GALM: variants seen among roughly 807,000 people sequenced by gnomAD.
GALM encodes aldose 1-epimerase.
A neutral mutation model predicts 37.4 loss-of-function variants in GALM; 43 were observed. The ratio of observed to expected loss-of-function variants is 1.15; its 90% confidence interval spans 0.90 to 1.48. GALM has a LOEUF of 1.48. Among genes scored for constraint, GALM ranks in the 40% most tolerant of loss-of-function variants. The pLI is 0.00. For missense variants in GALM, 456 were observed against 419.1 expected (o/e 1.09, Z -0.77); for synonymous variants, 199 against 170.6 (o/e 1.17, Z -1.30).
chr2:38,671,468 C>T (rs1451095072), intron 1 of GALM: 2 of 152,128 alleles, frequency 1.3e-5, no homozygotes, highest in Non-Finnish European at 2.9e-5. Flanking sequence ...GGGGAAATTG[C>T]CACTTTTAAA....
intron 4 of GALM, among the ~76,000 whole-genome samples, chr2:38,690,831 T>C (rs906400634): frequency 3.3e-5 from 5 of 152,176 alleles, no homozygotes; most frequent in African/African-American, 1.2e-4. Context: ...AACAGCAACT[T>C]CAGGTAACAG....
chr2:38,685,525 G>A (rs2148432067), intron 3 of GALM, among the ~76,000 whole-genome samples: 1 of 152,272 alleles, frequency 6.6e-6, no homozygotes, highest in South Asian at 2.1e-4. Flanking sequence ...TAGCAGCCAA[G>A]CAAAGTTAAC....
chr2:38,696,645 C>CT, intron 4 of GALM, among the ~76,000 whole-genome samples: 2 of 149,342 alleles, frequency 1.3e-5, no homozygotes, highest in East Asian at 2.0e-4. Context: ...ATTTTTTTTT[C>CT]TTTTTTGGCA....
At chr2:38,688,182 G>A (rs970254116) in intron 3 of GALM, among the ~76,000 whole-genome samples, 24 of 150,088 alleles carry the variant, frequency 1.6e-4, no homozygotes, top group Middle Eastern at 3.3e-3. Flanking sequence ...ACTTCACTCC[G>A]GCCTGGGCGA....
chr2:38,676,039 G>C lies in GALM; in HGVS notation c.318G>C (p.Leu106=), dbSNP rs779752243. 6.2e-7 allele frequency: 1 copy of C among 1,614,102 alleles called. No individual in the cohort carries two copies. Among genetic ancestry groups the C allele is most frequent in the South Asian group, 1.1e-5 (1 of 91,086 alleles). The change falls in exon 2 of 7, where the codon CTG becomes CTC. Residue 106 remains leucine, a synonymous_variant. Transcript: ENST00000272252. ...HLAINKEPNS[L]HGGVRGFDKV... is the part of the protein sequence containing the mutation. The stretch of plus-strand genomic sequence containing the variant: ...CCATTAACAAGGAACCCAACAGTCT[G>C]CATGGAGGAGTCAGAGGGTTTGATA...
Position 38,681,424 on chromosome 2 carries a change from C to T in GALM, c.490C>T (p.Gln164Ter), listed in dbSNP as rs74917735. 9 of 1,609,402 alleles carry T rather than the reference C, an allele frequency of 5.6e-6. No individual in the cohort carries two copies. The Admixed American group carries it at 8.5e-5, about 15-fold the overall frequency. The part of the protein sequence containing the change: ...GGELIVNYRA[Q>*]ASQATPVNLT... ...AGAGCTCATAGTCAACTACAGAGCA[C>T]AAGCCAGTCAGGCCACACCAGTCAA... Residue 164 changes from glutamine (Q) to a stop codon, truncating the protein, a stop_gained, in exon 3 of 7, where the codon CAA becomes TAA. Coordinates refer to ENST00000272252, the MANE Select transcript of GALM (RefSeq NM_138801.3). LOFTEE classifies it high-confidence loss of function.
chr2:38,720,414 T>TAA (rs34372976), intron 4 of GALM, among the ~76,000 whole-genome samples: 7 of 92,850 alleles, frequency 7.5e-5, no homozygotes, highest in African/African-American at 2.2e-4. Context: ...ACTTCTATGT[T>TAA]AAAAAAAAAA....
intron 5 of GALM, among the ~76,000 whole-genome samples, chr2:38,730,588 A>G (rs910360294): frequency 3.9e-5 from 6 of 152,108 alleles, no homozygotes; most frequent in Non-Finnish European, 5.9e-5. Context: ...TAAAGCAGAA[A>G]AAATGACTCA....
chr2:38,676,568 G>A (rs1665264967), intron 2 of GALM, among the ~76,000 whole-genome samples: 1 of 152,150 alleles, frequency 6.6e-6, no homozygotes, highest in Non-Finnish European at 1.5e-5. Context: ...TTTAAGACCA[G>A]CCTGGCCAAC....
intron 4 of GALM, among the ~76,000 whole-genome samples, chr2:38,710,921 T>G (rs774901749): frequency 1.3e-5 from 2 of 150,314 alleles, no homozygotes; most frequent in Non-Finnish European, 3.0e-5. Context: ...ACCCAGCAAA[T>G]TTTTGTATTT....
rs543593749 is a variant in GALM, at chr2:38,680,619, C to A, written c.346-661C>A. Among the ~76,000 whole-genome samples, 15 of 151,918 alleles carry A rather than the reference C, an allele frequency of 9.9e-5. No individual in the cohort carries two copies. The Middle Eastern group carries it at 0.02, about 207-fold the overall frequency. On this transcript the variant is annotated intron_variant, in intron 2 of 6. Coordinates refer to ENST00000272252, the MANE Select transcript of GALM (RefSeq NM_138801.3). ...ATTTTAATAAATATTTGTATATATA[C>A]CCCTAGGAGACAGGGGCTGATTTAT...
At chr2:38,692,398 G>C (rs1044042077) in intron 4 of GALM, among the ~76,000 whole-genome samples, 6 of 152,104 alleles carry the variant, frequency 3.9e-5, no homozygotes, top group African/African-American at 1.4e-4. Context: ...ATCTCTAGGA[G>C]CCCAGATTTT....
intron 3 of GALM, chr2:38,682,232 C>T (rs1262090170): frequency 6.6e-6 from 3 of 454,216 alleles, no homozygotes; most frequent in Non-Finnish European, 1.3e-5. Context: ...ACCTCATTCC[C>T]TCCTAAAGGT....
chr2:38,684,150 T>C (rs1194373906), intron 3 of GALM, among the ~76,000 whole-genome samples: 2 of 152,170 alleles, frequency 1.3e-5, no homozygotes, highest in Non-Finnish European at 2.9e-5. Context: ...ATCTTATATA[T>C]TTTTGTTTGT....
At chr2:38,727,304 G>A (rs1666506457) in intron 4 of GALM, among the ~76,000 whole-genome samples, 1 of 152,054 alleles carries the variant, frequency 6.6e-6, no homozygotes, top group Non-Finnish European at 1.5e-5. Context: ...ACACCAGGAT[G>A]GTATCGCCTG....
chr2:38,670,155 C>T (rs1002921632), intron 1 of GALM, among the ~76,000 whole-genome samples: 2 of 152,204 alleles, frequency 1.3e-5, no homozygotes, highest in Admixed American at 6.5e-5. Context: ...TGAGCCACCA[C>T]GCCCAGCCTA....
At chr2:38,709,442 C>T (rs929022728) in intron 4 of GALM, among the ~76,000 whole-genome samples, 111 of 152,052 alleles carry the variant, frequency 7.3e-4, no homozygotes, top group African/African-American at 2.5e-3. Context: ...CACCTGAAAA[C>T]GACCTGCAGC....
intron 4 of GALM, among the ~76,000 whole-genome samples, chr2:38,717,384 G>A (rs1666290494): frequency 6.6e-6 from 1 of 151,438 alleles, no homozygotes; most frequent in South Asian, 2.1e-4. Flanking sequence ...CTATGTGCCA[G>A]GTAAGTGCTA....
intron 3 of GALM, among the ~76,000 whole-genome samples, chr2:38,683,253 G>A (rs1449700731): frequency 1.3e-5 from 2 of 152,124 alleles, no homozygotes; most frequent in African/African-American, 4.8e-5. Flanking sequence ...GCAGGGACTT[G>A]GAGTGACGGG....
Sources: allele counts gnomAD v4.1 joint callset (sites outside exome capture counted in the v4.1 genomes callset), GRCh38; gene constraint gnomAD v4.1.1; transcripts MANE v1.5; gene names NCBI Gene and HGNC (gene_info 2026-07-23, HGNC 2026-07-21).